The following KSR2 variants were observed in gnomAD, a reference collection of about 807,000 sequenced individuals.
KSR2 encodes kinase suppressor of ras 2.
A neutral mutation model predicts 107.8 loss-of-function variants in KSR2; 25 were observed. The ratio of observed to expected loss-of-function variants is 0.23; its 90% confidence interval spans 0.17 to 0.32. The LOEUF (loss-of-function observed/expected upper bound fraction) is 0.32, where lower values mean the gene tolerates loss of function less well. Among genes scored for constraint, KSR2 ranks in the 10% least tolerant of loss-of-function variants. The pLI is 1.00. For missense variants in KSR2, 887 were observed against 1,268.9 expected (o/e 0.70, Z 4.57); for synonymous variants, 480 against 507.0 (o/e 0.95, Z 0.71).
chr12:117,732,139 T>C (rs1887751363), intron 4 of KSR2, among the ~76,000 whole-genome samples: 1 of 152,066 alleles, frequency 6.6e-6, no homozygotes, highest in Non-Finnish European at 1.5e-5. Context: ...CCTGAGTTAA[T>C]AGGTAAAACC....
intron 4 of KSR2, among the ~76,000 whole-genome samples, chr12:117,730,766 T>TC (rs1211939153): frequency 1.7e-4 from 26 of 152,328 alleles, no homozygotes; most frequent in African/African-American, 5.8e-4. Flanking sequence ...CGCCTCGGCC[T>TC]CCCGAGGTGC....
chr12:117,573,241 G>A (rs1209863480), intron 7 of KSR2, among the ~76,000 whole-genome samples: 1 of 152,124 alleles, frequency 6.6e-6, no homozygotes, highest in Non-Finnish European at 1.5e-5. Flanking sequence ...TGGGTGGAGG[G>A]TACCCCAAAG....
intron 12 of KSR2, among the ~76,000 whole-genome samples, chr12:117,528,397 C>T (rs1424325261): frequency 1.3e-5 from 2 of 152,054 alleles, no homozygotes; most frequent in Non-Finnish European, 2.9e-5. Flanking sequence ...AAAAAAGAAT[C>T]ACAATGAATA....
intron 3 of KSR2, among the ~76,000 whole-genome samples, chr12:117,767,119 G>A (rs2136895781): frequency 6.6e-6 from 1 of 151,284 alleles, no homozygotes; most frequent in South Asian, 2.1e-4. Context: ...TATTTTGAGA[G>A]AGGAAAAAAT....
intron 4 of KSR2, among the ~76,000 whole-genome samples, chr12:117,674,841 G>A (rs1885056077): frequency 6.6e-6 from 1 of 152,076 alleles, no homozygotes; most frequent in African/African-American, 2.4e-5. Context: ...CTCTCTTCTT[G>A]TGGTCTATAA....
chr12:117,851,960 A>G (rs1158258853), intron 3 of KSR2, among the ~76,000 whole-genome samples: 4 of 152,132 alleles, frequency 2.6e-5, no homozygotes, highest in Admixed American at 2.0e-4. Flanking sequence ...GAATGAATTT[A>G]CAACATCTTC....
intron 1 of KSR2, among the ~76,000 whole-genome samples, chr12:117,920,788 G>A (rs538485864): frequency 6.6e-6 from 1 of 152,192 alleles, no homozygotes; most frequent in Non-Finnish European, 1.5e-5. Flanking sequence ...TACACAACAG[G>A]GTGGAGGGGA....
intron 5 of KSR2, among the ~76,000 whole-genome samples, chr12:117,659,796 C>T (rs1183274550): frequency 6.6e-6 from 1 of 152,184 alleles, no homozygotes; most frequent in Non-Finnish European, 1.5e-5. Context: ...AAATGCAACC[C>T]GCAAATCTGT....
At chr12:117,715,361 T>G (rs1445468560) in intron 4 of KSR2, among the ~76,000 whole-genome samples, 1 of 152,148 alleles carries the variant, frequency 6.6e-6, no homozygotes, top group Non-Finnish European at 1.5e-5. Flanking sequence ...CAGGAATAAT[T>G]GAGGGACCCA....
intron 7 of KSR2, among the ~76,000 whole-genome samples, chr12:117,575,383 C>T (rs1054720719): frequency 6.6e-6 from 1 of 152,164 alleles, no homozygotes; most frequent in Non-Finnish European, 1.5e-5. Context: ...TTTATGTGTA[C>T]ACTTTCATTT....
At chr12:117,619,641 T>TCCCA in intron 5 of KSR2, among the ~76,000 whole-genome samples, 1 of 151,290 alleles carries the variant, frequency 6.6e-6, no homozygotes, top group Middle Eastern at 3.2e-3. Flanking sequence ...ACTGTATATG[T>TCCCA]GAGTGTTGTT....
At chr12:117,514,545 T>TC (rs370868430) in intron 14 of KSR2, among the ~76,000 whole-genome samples, 1,141 of 101,870 alleles carry the variant, frequency 0.011, 21 homozygotes, top group East Asian at 0.082. Flanking sequence ...TCTCTCTCTC[T>TC]TTTTTTTTTT....
intron 3 of KSR2, among the ~76,000 whole-genome samples, chr12:117,783,268 A>G (rs1395405598): frequency 2.0e-5 from 3 of 152,156 alleles, no homozygotes; most frequent in African/African-American, 7.2e-5. Flanking sequence ...GTAGCCCCTG[A>G]CCCCAAGGGT....
chr12:117,573,718 G>A, intron 7 of KSR2, among the ~76,000 whole-genome samples: 1 of 151,812 alleles, frequency 6.6e-6, no homozygotes, highest in Non-Finnish European at 1.5e-5. Context: ...TAGTGGAGAT[G>A]GGGTTTCACC....
rs190446896 is a variant in KSR2, at chr12:117,882,339, G to A, written c.181-21908C>T. Among the ~76,000 whole-genome samples the A allele has an allele frequency of 8.9e-4, 136 of 152,052 alleles. 1 individual carries two copies. Among genetic ancestry groups the A allele is most frequent in the Admixed American group, 5.3e-3 (81 of 15,268 alleles). On this transcript the variant is annotated intron_variant, in intron 1 of 19. Transcript: ENST00000339824. The stretch of plus-strand genomic sequence containing the variant: ...CATAACTTCCCATTTCCAAATTGCC[G>A]TTCAACTACCATCTACACACACAAA...
chr12:117,707,236 G>A (rs1169902136), intron 4 of KSR2, among the ~76,000 whole-genome samples: 1 of 152,134 alleles, frequency 6.6e-6, no homozygotes, highest in South Asian at 2.1e-4. Flanking sequence ...GGAGCAGGGA[G>A]GTGTAGGGAT....
rs1012960878 is a variant in KSR2, at chr12:117,948,291, C to T, written c.180+19785G>A. On this transcript the variant is annotated intron_variant, in intron 1 of 19. Transcript: ENST00000339824. ...TCACCTGAGGTCAGGAGTTCGAGAC[C>T]AGCCTGGCCAACATAGTGAAACCCC... Among the ~76,000 whole-genome samples, 3 of 151,932 alleles carry T rather than the reference C, an allele frequency of 2.0e-5. No homozygotes were observed. In the East Asian group the frequency reaches 5.8e-4, roughly 29 times the overall value.
intron 3 of KSR2, among the ~76,000 whole-genome samples, chr12:117,774,654 T>G (rs1812841780): frequency 6.6e-6 from 1 of 152,184 alleles, no homozygotes. Flanking sequence ...AAGCTCTTTT[T>G]AAGAAAAAAT....
intron 1 of KSR2, among the ~76,000 whole-genome samples, chr12:117,882,334 T>C (rs1011288034): frequency 1.3e-5 from 2 of 152,132 alleles, no homozygotes; most frequent in Non-Finnish European, 2.9e-5. Context: ...CATTTCCAAA[T>C]TGCCGTTCAA....
Sources: allele counts gnomAD v4.1 joint callset (sites outside exome capture counted in the v4.1 genomes callset), GRCh38; gene constraint gnomAD v4.1.1; transcripts MANE v1.5; gene names NCBI Gene and HGNC (gene_info 2026-07-23, HGNC 2026-07-21).